ALG14: variants seen among roughly 807,000 people sequenced by gnomAD.
ALG14 encodes ALG14 UDP-N-acetylglucosaminyltransferase subunit.
Under a neutral mutation model 22.8 loss-of-function variants are expected in ALG14, and 17 were observed. That is an observed-to-expected ratio of 0.75 (90% confidence interval 0.51 to 1.12). ALG14 has a LOEUF of 1.12. Ranked by LOEUF, ALG14 falls within the 50% of genes most tolerant of loss-of-function variation. The pLI is 0.00. For synonymous variants in ALG14, 89 were observed against 103.7 expected, an observed-to-expected ratio of 0.86 and a Z score of 0.86; for missense variants, 288 against 271.8, an observed-to-expected ratio of 1.06 and a Z score of -0.42.
chr1:95,062,545 T>C (rs967702002), intron 2 of ALG14, among the ~76,000 whole-genome samples: 4 of 152,130 alleles, frequency 2.6e-5, no homozygotes, highest in Admixed American at 2.0e-4. Context: ...TGAAAACGTG[T>C]AGTATTTAGT....
chr1:95,002,875 C>T (rs920987030), intron 3 of ALG14, among the ~76,000 whole-genome samples: 2 of 152,194 alleles, frequency 1.3e-5, no homozygotes, highest in South Asian at 2.1e-4. Flanking sequence ...TTGCCTTCCA[C>T]GAAGTGTTTT....
intron 3 of ALG14, among the ~76,000 whole-genome samples, chr1:95,002,361 G>T (rs1673092248): frequency 6.6e-6 from 1 of 152,066 alleles, no homozygotes; most frequent in African/African-American, 2.4e-5. Flanking sequence ...GAGCACAAGA[G>T]GGGTGGGGCA....
chr1:95,031,547 T>G (rs1416128308), intron 2 of ALG14, among the ~76,000 whole-genome samples: 1 of 152,172 alleles, frequency 6.6e-6, no homozygotes, highest in Non-Finnish European at 1.5e-5. Flanking sequence ...CTAAAAAGAC[T>G]GCTCTATAAA....
intron 2 of ALG14, among the ~76,000 whole-genome samples, chr1:95,035,586 T>C (rs1674160700): frequency 6.6e-6 from 1 of 152,234 alleles, no homozygotes; most frequent in Non-Finnish European, 1.5e-5. Flanking sequence ...TAGTGTCTGA[T>C]AGTATATGAA....
At chr1:95,040,044 C>T (rs943344184) in intron 2 of ALG14, among the ~76,000 whole-genome samples, 1 of 151,922 alleles carries the variant, frequency 6.6e-6, no homozygotes, top group African/African-American at 2.4e-5. Flanking sequence ...TGGTGGCTCG[C>T]ACCTGTGGTC....
chr1:94,983,360 G>GGCATTTT (rs1180624842), intron 3 of ALG14, 54 bp from the exon 4 acceptor site: 2 of 1,477,264 alleles, frequency 1.4e-6, no homozygotes, highest in African/African-American at 2.8e-5. Flanking sequence ...ATCTAAGGGA[G>GGCATTTT]GCATTTTGCA....
intron 1 of ALG14, among the ~76,000 whole-genome samples, chr1:95,071,002 A>G (rs139948946): frequency 6.4e-4 from 98 of 152,230 alleles, no homozygotes; most frequent in African/African-American, 2.3e-3. Context: ...CGGCCTCCCA[A>G]ATTGCTGAGA....
At chr1:94,988,271 C>G (rs1485238077) in intron 3 of ALG14, among the ~76,000 whole-genome samples, 2 of 152,168 alleles carry the variant, frequency 1.3e-5, no homozygotes, top group Non-Finnish European at 2.9e-5. Context: ...TAAAGCTGAA[C>G]AGGAAGCAAA....
chr1:95,022,100 T>G (rs142481666), intron 3 of ALG14, among the ~76,000 whole-genome samples: 83 of 152,256 alleles, frequency 5.5e-4, no homozygotes, highest in Non-Finnish European at 1.1e-3. Flanking sequence ...AATGTAATGT[T>G]TGCCAAGTGG....
chr1:95,069,532 T>C (rs1318820950), intron 1 of ALG14, among the ~76,000 whole-genome samples: 1 of 152,246 alleles, frequency 6.6e-6, no homozygotes, highest in East Asian at 1.9e-4. Context: ...TGAGATGTTA[T>C]ACATTAACCA....
chr1:95,026,462 ATGTGTGTGTGTGTGTG>A (rs141495807), intron 3 of ALG14, among the ~76,000 whole-genome samples: 1 of 142,250 alleles, frequency 7.0e-6, no homozygotes, highest in Non-Finnish European at 1.5e-5. Flanking sequence ...AGCCCAAGGA[ATGTGTGTGTGTGTGTG>A]TGTGTGTGTG....
intron 3 of ALG14, among the ~76,000 whole-genome samples, chr1:94,998,124 C>A (rs1166853868): frequency 6.6e-6 from 1 of 152,164 alleles, no homozygotes; most frequent in East Asian, 1.9e-4. Flanking sequence ...CTCAGGGTAA[C>A]ATTTAAAATA....
intron 3 of ALG14, among the ~76,000 whole-genome samples, chr1:95,015,628 T>A (rs1480640009): frequency 6.6e-6 from 1 of 152,176 alleles, no homozygotes; most frequent in Admixed American, 6.5e-5. Flanking sequence ...AGGGGCGGGT[T>A]TGGACGGATG....
Position 95,066,526 on chromosome 1 carries a change from A to AT in ALG14, c.137-1510dup, listed in dbSNP as rs966032803. On this transcript the variant is annotated intron_variant, in intron 1 of 3. Coordinates refer to ENST00000370205, the MANE Select transcript of ALG14 (RefSeq NM_144988.4). ...GCGTGAGCCACCATGCCAAGCCCAC[A>AT]TTTTTTTTTAATAGTAGAAAGGAAA... Among the ~76,000 whole-genome samples, 48 of 151,106 alleles carry AT rather than the reference A, an allele frequency of 3.2e-4. No homozygotes were observed. The South Asian group carries it at 5.2e-3, about 16-fold the overall frequency.
rs533679421 is a variant in ALG14, at chr1:95,069,647, G to A, written c.136+3116C>T. On this transcript the variant is annotated intron_variant, in intron 1 of 3. Transcript: ENST00000370205. ...GAATGTTAAACAAATCCCTTAGTGT[G>A]TAATCAATAGTAGTGTTGGGACTTA... Among the ~76,000 whole-genome samples, 3 of 152,288 alleles carry A rather than the reference G, an allele frequency of 2.0e-5. No individual in the cohort carries two copies. The South Asian group carries it at 6.2e-4, about 32-fold the overall frequency.
intron 2 of ALG14, among the ~76,000 whole-genome samples, chr1:95,061,349 C>A (rs1415763350): frequency 6.6e-6 from 1 of 152,172 alleles, no homozygotes; most frequent in African/African-American, 2.4e-5. Context: ...ACACATTTTG[C>A]TATAGCTGAA....
At chr1:95,037,943 C>T (rs992944435) in intron 2 of ALG14, among the ~76,000 whole-genome samples, 6 of 152,310 alleles carry the variant, frequency 3.9e-5, no homozygotes, top group Admixed American at 1.3e-4. Context: ...TCACAAGGAA[C>T]TCACTGCAGT....
chr1:95,038,405 C>T (rs1388692821), intron 2 of ALG14, among the ~76,000 whole-genome samples: 2 of 152,036 alleles, frequency 1.3e-5, no homozygotes, highest in Non-Finnish European at 2.9e-5. Context: ...AGGAGAATTG[C>T]TTAAACCCAG....
At chr1:95,053,291 A>G (rs1350055491) in intron 2 of ALG14, among the ~76,000 whole-genome samples, 1 of 152,186 alleles carries the variant, frequency 6.6e-6, no homozygotes, top group African/African-American at 2.4e-5. Context: ...TAAAAAAAGC[A>G]TTATTAGGGA....
Sources: gnomAD v4.1 joint callset for allele counts (sites outside exome capture counted in the v4.1 genomes callset) on GRCh38, gnomAD v4.1.1 for gene constraint, MANE v1.5 for transcripts, NCBI Gene and HGNC (gene_info 2026-07-23, HGNC 2026-07-21) for gene names.